PLEKHA8: variants seen among roughly 807,000 people sequenced by gnomAD.
The protein encoded by PLEKHA8 is pleckstrin homology domain-containing family A member 8.
In PLEKHA8, 36 loss-of-function variants were observed where a neutral mutation model predicts 68.2. The observed-to-expected ratio is 0.53, with a 90% CI of 0.40 to 0.70. The LOEUF is 0.70. Ranked by LOEUF, PLEKHA8 falls within the 30% of genes least tolerant of loss-of-function variation. The pLI is 0.00. For missense variants in PLEKHA8, 505 were observed against 615.4 expected (o/e 0.82, Z 1.90); for synonymous variants, 211 against 216.1 (o/e 0.98, Z 0.20).
rs1374383241 is a variant in PLEKHA8 at position 30,050,486 on chromosome 7, T to A, written c.638+12T>A. On this transcript the variant is annotated intron_variant, in intron 6 of 13. Coordinates refer to ENST00000449726, the MANE Select transcript of PLEKHA8 (RefSeq NM_001197026.2). The stretch of plus-strand genomic sequence containing the variant: ...AATTCATTGGAAAGGTACAGTAGCT[T>A]TTTTCTTCTTGCTAAAAATTAAAAA... 6 of 1,550,768 alleles carry A rather than the reference T, an allele frequency of 3.9e-6. No homozygotes were observed. Among genetic ancestry groups the A allele is most frequent in the Non-Finnish European group, 4.3e-6 (5 of 1,153,948 alleles).
At chr7:30,089,670 T>A (rs1428902759) in intron 12 of PLEKHA8, among the ~76,000 whole-genome samples, 1 of 151,884 alleles carries the variant, frequency 6.6e-6, no homozygotes, top group African/African-American at 2.4e-5. Context: ...AGAAAGGGGA[T>A]GGGGGTGGAG....
Position 30,045,887 on chromosome 7 carries a change from C to T in PLEKHA8, c.158-323C>T, listed in dbSNP as rs563481436. Among the ~76,000 whole-genome samples, 4 of 152,326 alleles carry T rather than the reference C, an allele frequency of 2.6e-5. No individual in the cohort carries two copies. The South Asian group carries it at 6.2e-4, about 24-fold the overall frequency. On this transcript the variant is annotated intron_variant, in intron 2 of 13. Transcript: ENST00000449726. ...CTCAGAGCAGCCTACTTAACACACA[C>T]ACCCACTGAAAGAAAGATTCCTTCT...
Position 30,097,481 on chromosome 7 carries a change from G to A in PLEKHA8, c.1362+23349G>A, listed in dbSNP as rs143964494. Among the ~76,000 whole-genome samples, 818 of 152,164 alleles carry A rather than the reference G, an allele frequency of 5.4e-3. 4 individuals carry two copies. The highest frequency in any genetic ancestry group is 0.019 in the African/African-American group (775 of 41,520). On this transcript the variant is annotated intron_variant, in intron 13 of 13. Coordinates refer to the PLEKHA8 transcript ENST00000396257. The stretch of plus-strand genomic sequence containing the variant: ...AGGTACACCAATCAGACGTAGATTT[G>A]GTCTTTTTACATAGTCCCATATTTC...
chr7:30,052,700 A>C lies in PLEKHA8; in HGVS notation c.639-9A>C, dbSNP rs757445741. Reference sequence around the variant, plus strand: ...CTTCTGGCTTTTTTTCCTTTTAAAAAATTTGCAGGCAAATGGAGTTGAGCA... The same window carrying C: ...CTTCTGGCTTTTTTTCCTTTTAAAACATTTGCAGGCAAATGGAGTTGAGCA... On this transcript the variant is annotated splice_polypyrimidine_tract_variant and intron_variant, in intron 6 of 13. Transcript: ENST00000449726. 3.9e-6 allele frequency: 6 copies of C among 1,534,404 alleles called. No individual in the cohort carries two copies. The East Asian group carries it at 1.4e-4, about 36-fold the overall frequency.
At chr7:30,130,361 CT>C (rs1327533384), downstream of PLEKHA8, 1 of 152,178 alleles carries the variant, frequency 6.6e-6, no homozygotes, top group Non-Finnish European at 1.5e-5. Flanking sequence ...AAGGAAGCCC[CT>C]GAAAGTGTTC....
chr7:30,128,479 C>T (rs1187505416), intron 13 of PLEKHA8, among the ~76,000 whole-genome samples: 1 of 152,194 alleles, frequency 6.6e-6, no homozygotes, highest in Non-Finnish European at 1.5e-5. Context: ...CCTATATTCA[C>T]ATTGATTATG....
At chr7:30,070,987 T>A (rs1794198367) in intron 12 of PLEKHA8, among the ~76,000 whole-genome samples, 2 of 152,188 alleles carry the variant, frequency 1.3e-5, no homozygotes, top group Non-Finnish European at 2.9e-5. Flanking sequence ...CAATTCTGAA[T>A]CAGAATGATC....
chr7:30,040,713 T>A (rs1020098649), intron 1 of PLEKHA8, among the ~76,000 whole-genome samples: 4 of 152,336 alleles, frequency 2.6e-5, no homozygotes, highest in African/African-American at 9.6e-5. Flanking sequence ...TCCAGGATAA[T>A]ACAAAGCGTA....
At chr7:30,071,386 C>G (rs908863547) in intron 12 of PLEKHA8, among the ~76,000 whole-genome samples, 3 of 152,158 alleles carry the variant, frequency 2.0e-5, no homozygotes, top group Non-Finnish European at 4.4e-5. Flanking sequence ...GTCTGCCGCA[C>G]CATCTACCAC....
intron 11 of PLEKHA8, among the ~76,000 whole-genome samples, chr7:30,062,281 T>C (rs1793504136): frequency 6.6e-6 from 1 of 152,174 alleles, no homozygotes; most frequent in Admixed American, 6.5e-5. Flanking sequence ...TCTCTTTAAA[T>C]CAGTGGCTCT....
intron 1 of PLEKHA8, 62 bp from the exon 2 acceptor site, chr7:30,045,023 A>G (rs968295377): frequency 2.6e-6 from 3 of 1,156,852 alleles, no homozygotes; most frequent in Non-Finnish European, 3.8e-6. Flanking sequence ...CTATTTCTGT[A>G]TCTTGGGAGG....
At chr7:30,093,747 T>G (rs1795502584), downstream of PLEKHA8, among the ~76,000 whole-genome samples, 1 of 152,202 alleles carries the variant, frequency 6.6e-6, no homozygotes, top group South Asian at 2.1e-4. Context: ...CTTCTGAGTC[T>G]CCTAAGCTCA....
rs150735985 is a variant in PLEKHA8, at chr7:30,073,385, A to G, written c.1301-686A>G. Among the ~76,000 whole-genome samples, 473 of 152,158 alleles carry G rather than the reference A, an allele frequency of 3.1e-3. 1 individual carries two copies. Among genetic ancestry groups the G allele is most frequent in the African/African-American group, 0.011 (450 of 41,510 alleles). Reference sequence around the variant, plus strand: ...GATGGTTAGAGAGGGCAGCTAAGGGACTGGCTCACGGTCACAGAACATTTC... The same window carrying G: ...GATGGTTAGAGAGGGCAGCTAAGGGGCTGGCTCACGGTCACAGAACATTTC... On this transcript the variant is annotated intron_variant, in intron 12 of 13. Transcript: ENST00000449726.
chr7:30,054,630 T>G lies in PLEKHA8; in HGVS notation c.797-79T>G, dbSNP rs906831528. Reference sequence around the variant, plus strand: ...TTATTTCTATGTATTTTTCTGTGTTTTAGAAATTTTCAACAATCAATATGT... The same window carrying G: ...TTATTTCTATGTATTTTTCTGTGTTGTAGAAATTTTCAACAATCAATATGT... On this transcript the variant is annotated intron_variant, in intron 7 of 13. Coordinates refer to ENST00000449726, the MANE Select transcript of PLEKHA8 (RefSeq NM_001197026.2). The G allele has an allele frequency of 4.5e-5, 44 of 983,020 alleles. No individual in the cohort carries two copies. The African/African-American group carries it at 7.3e-4, about 16-fold the overall frequency. The allele number at this position is 983,020 out of a possible 1,614,324, so 60.9% of individuals were successfully genotyped here.
At chr7:30,032,518 A>G (rs1337329742) in intron 1 of PLEKHA8, among the ~76,000 whole-genome samples, 2 of 152,258 alleles carry the variant, frequency 1.3e-5, no homozygotes, top group African/African-American at 4.8e-5. Context: ...ACACTGAGAT[A>G]TAGAGACGTG....
At chr7:30,124,846 T>C (rs778180155) in intron 13 of PLEKHA8, among the ~76,000 whole-genome samples, 2 of 152,150 alleles carry the variant, frequency 1.3e-5, no homozygotes, top group African/African-American at 2.4e-5. Flanking sequence ...AAGGCACCCA[T>C]GATCCTATCT....
Position 30,081,830 on chromosome 7 carries a change from G to A in PLEKHA8, c.*3043G>A, listed in dbSNP as rs1794946879. ...CATCGTGCCTGTACTTTTCTCTATGGTAAAAGCCAGTGTTTACACTTTGTA... is the reference window on the plus strand; with the variant it reads ...CATCGTGCCTGTACTTTTCTCTATGATAAAAGCCAGTGTTTACACTTTGTA... On this transcript the variant is annotated 3_prime_UTR_variant, in exon 14 of 14. Transcript: ENST00000449726. The A allele has an allele frequency of 3.0e-6, 3 of 985,264 alleles. No individual in the cohort carries two copies. Among genetic ancestry groups the A allele is most frequent in the South Asian group, 9.4e-5 (2 of 21,298 alleles). The allele number at this position is 985,264 out of a possible 1,614,324, so 61.0% of individuals were successfully genotyped here. A position where few individuals can be genotyped will look rare whatever the true frequency, so the allele number is the denominator to read the frequency against.
In PLEKHA8 at chr7:30,078,787, A is replaced by G; in HGVS notation, c.1560A>G (p.Ter520TrpextTer8). The change falls in exon 14 of 14, where the codon TGA (stop) becomes TGG (tryptophan). Residue 520 changes from the stop codon to tryptophan, a stop_lost. Coordinates refer to ENST00000449726, the MANE Select transcript of PLEKHA8 (RefSeq NM_001197026.2). Reference sequence around the variant, plus strand: ...GGCTGGAATCTGATGAGGTGGTATGATGGCTGCTGGGCAGCACCTCCTAAC... The same window carrying G: ...GGCTGGAATCTGATGAGGTGGTATGGTGGCTGCTGGGCAGCACCTCCTAAC... The part of the protein sequence containing the change: ...VHGLESDEVV[*>W] The G allele has an allele frequency of 1.2e-6, 2 of 1,613,048 alleles. No homozygotes were observed. The highest frequency in any genetic ancestry group is 1.7e-6 in the Non-Finnish European group (2 of 1,179,406).
chr7:30,107,268 C>T (rs1439709705), intron 13 of PLEKHA8, among the ~76,000 whole-genome samples: 1 of 151,896 alleles, frequency 6.6e-6, no homozygotes, highest in African/African-American at 2.4e-5. Flanking sequence ...TATTGTAAAA[C>T]TTTTGTTTTA....
Sources: allele counts gnomAD v4.1 joint callset (sites outside exome capture counted in the v4.1 genomes callset), GRCh38; gene constraint gnomAD v4.1.1; transcripts MANE v1.5; gene names NCBI Gene and HGNC (gene_info 2026-07-23, HGNC 2026-07-21).